Variants in CPAMD8 observed in about 807,000 individuals in gnomAD.
CPAMD8 encodes the protein C3 and PZP like alpha-2-macroglobulin domain containing 8, also known as C3 and PZP-like alpha-2-macroglobulin domain-containing protein 8.
Under a neutral mutation model 224.7 loss-of-function variants are expected in CPAMD8, and 146 were observed. That is an observed-to-expected ratio of 0.65 (90% CI 0.57 to 0.75). CPAMD8 has a LOEUF of 0.75. Ranked by LOEUF, CPAMD8 falls within the 30% of genes least tolerant of loss-of-function variation. The pLI is 0.00. For synonymous variants in CPAMD8, 966 were observed against 1,044.6 expected (o/e 0.92, Z 1.45); for missense variants, 2,301 against 2,537.5 (o/e 0.91, Z 2.00).
At position 17,022,085 on chromosome 19, in the gene CPAMD8, C is replaced by A; in HGVS notation, c.189G>T (p.Gln63His). The A allele has an allele frequency of 6.2e-7, 1 of 1,605,806 alleles. No homozygotes were observed. Among genetic ancestry groups the A allele is most frequent in the South Asian group, 1.1e-5 (1 of 89,484 alleles). The stretch of plus-strand genomic sequence containing the variant: ...GCTCACCCTGGGCCACCAGCTGAGC[C>A]TGGACCGTGACTTCCCTTGGAGAGT... ...IFNSPREVTV[Q>H]AQLVAQGEPV... Residue 63 changes from glutamine (Q) to histidine (H), a missense_variant, in exon 2 of 42, where the codon CAG becomes CAT. By Grantham distance (24) the Gln-to-His change is conservative. Around this residue, in one of 4 missense-constraint regions of CPAMD8, gnomAD observed 283 missense variants for 340.6 expected, o/e 0.83. Transcript: ENST00000443236.
At chr19:17,010,180 T>C (rs1017059125) in intron 5 of CPAMD8, among the ~76,000 whole-genome samples, 3 of 152,088 alleles carry the variant, frequency 2.0e-5, no homozygotes, top group African/African-American at 7.2e-5. Flanking sequence ...GGATTTTATA[T>C]TAGATATTAT....
Position 16,980,610 on chromosome 19 carries a change from C to A in CPAMD8, c.1472G>T (p.Arg491Leu). 6.2e-7 allele frequency: 1 copy of A among 1,609,716 alleles called. No homozygotes were observed. Among genetic ancestry groups the A allele is most frequent in the South Asian group, 1.1e-5 (1 of 90,546 alleles). ...CTGGCCCGATAGCACAATATTGCCC[C>A]GTGCAGCCACCTCGTAGTACAGGGT... Reference protein sequence around the residue: ...NFTLYYEVAARGNIVLSGQQP... With the variant: ...NFTLYYEVAALGNIVLSGQQP... Residue 491 changes from arginine (R) to leucine (L), a missense_variant, in exon 14 of 42, where the codon CGG becomes CTG. Arg to Leu is a moderately radical substitution (Grantham distance 102). Transcript: ENST00000443236.
rs767792386 is a variant in CPAMD8 at position 16,925,357 on chromosome 19, G to A, written c.3386C>T (p.Pro1129Leu). 1 of 1,614,122 alleles carries A rather than the reference G, an allele frequency of 6.2e-7. No homozygotes were observed. Among genetic ancestry groups the A allele is most frequent in the Non-Finnish European group, 8.5e-7 (1 of 1,179,980 alleles). ...GAGGTTGTTGAGGTGGTTCAGGGTT[G>A]GCCCCATGACGTCCCCTGGTGGGAA... ...TASIIGDVMG[P>L]TLNHLNNLLR... Residue 1129 changes from proline to leucine, a missense_variant, in exon 26 of 42, where the codon CCA becomes CTA. Pro to Leu is a moderately conservative substitution (Grantham distance 98). Coordinates refer to ENST00000443236, the MANE Select transcript of CPAMD8 (RefSeq NM_015692.5).
chr19:16,928,373 A>G lies in CPAMD8; in HGVS notation c.3145-139T>C, dbSNP rs892810570. On this transcript the variant is annotated intron_variant, in intron 24 of 41. Coordinates refer to ENST00000443236, the MANE Select transcript of CPAMD8 (RefSeq NM_015692.5). ...TGCAAGGAAGGGTCTTCGGGGAGTC[A>G]GAGGTGAGAGAAATCAGGTTACCCC... 24 of 639,746 alleles carry G rather than the reference A, an allele frequency of 3.8e-5. No individual in the cohort carries two copies. In the African/African-American group the frequency reaches 3.8e-4, roughly 10 times the overall value. The allele number at this position is 639,746 out of a possible 1,614,324, so 39.6% of individuals were successfully genotyped here.
chr19:17,001,196 C>A (rs553706964), intron 9 of CPAMD8, among the ~76,000 whole-genome samples: 2 of 151,902 alleles, frequency 1.3e-5, no homozygotes, highest in Non-Finnish European at 2.9e-5. Context: ...GTGGCACATG[C>A]TTGTGATCCC....
In CPAMD8 at chr19:16,898,840, C is replaced by T. The variant is rs796629041; in HGVS notation, c.4848+635G>A. 1.9e-4 allele frequency among the ~76,000 whole-genome samples: 29 copies of T among 152,308 alleles called. 1 individual carries two copies. The highest frequency in any genetic ancestry group is 6.7e-4 in the African/African-American group (28 of 41,572). ...GGCCCCTCCCTGCTTTTTCTACCAA[C>T]TGCCATCAGCCGAGGGCACAGAGCT... On this transcript the variant is annotated intron_variant, in intron 37 of 41. Coordinates refer to ENST00000443236, the MANE Select transcript of CPAMD8 (RefSeq NM_015692.5). This position sits in a 1 kb window ranked among gnomAD's most constrained non-coding sequence, Gnocchi z 4.2.
intron 27 of CPAMD8, among the ~76,000 whole-genome samples, chr19:16,916,558 G>A (rs1010777236): frequency 7.9e-5 from 12 of 151,884 alleles, no homozygotes; most frequent in South Asian, 4.1e-4. Context: ...CTGACATGGC[G>A]AAACCCCATC....
At chr19:16,936,862 A>G (rs1404716303) in intron 23 of CPAMD8, among the ~76,000 whole-genome samples, 2 of 152,230 alleles carry the variant, frequency 1.3e-5, no homozygotes, top group African/African-American at 4.8e-5. Context: ...ATTGTGGAGA[A>G]AAAAACTTTT....
Position 16,977,448 on chromosome 19 carries a change from G to A in CPAMD8, c.1678C>T (p.Leu560=). 1.2e-6 allele frequency: 2 copies of A among 1,611,950 alleles called. No homozygotes were observed. Among genetic ancestry groups the A allele is most frequent in the Non-Finnish European group, 1.7e-6 (2 of 1,178,496 alleles). The change falls in exon 15 of 42, where the codon CTG becomes TTG. Residue 560 remains leucine, a synonymous_variant. Transcript: ENST00000443236. Reference sequence around the variant, plus strand: ...CCATTCTCCCTGACGTAGAAGACCAGCAGGCGACCAAGGGGGACCATGCTG... The same window carrying A: ...CCATTCTCCCTGACGTAGAAGACCAACAGGCGACCAAGGGGGACCATGCTG... ...TPSMVPLGRL[L]VFYVRENGEG...
intron 18 of CPAMD8, 50 bp from the exon 19 acceptor site, chr19:16,957,965 C>G (rs1599782042): frequency 6.6e-7 from 1 of 1,522,298 alleles, no homozygotes; most frequent in Non-Finnish European, 9.1e-7. Context: ...CATAACAAAT[C>G]TTATGTGAAC....
chr19:16,971,253 T>G (rs1417815394), intron 17 of CPAMD8: 1 of 441,928 alleles, frequency 2.3e-6, no homozygotes, highest in Non-Finnish European at 4.0e-6. Context: ...CAGGCTGGAG[T>G]GCAGTGGCGC....
At chr19:16,956,879 G>A (rs1306570603) in intron 19 of CPAMD8, among the ~76,000 whole-genome samples, 2 of 151,776 alleles carry the variant, frequency 1.3e-5, no homozygotes, top group Non-Finnish European at 2.9e-5. Flanking sequence ...TGTTAGAGAG[G>A]GTGGTCTCGA....
chr19:16,944,377 G>C (rs912652078), intron 22 of CPAMD8, among the ~76,000 whole-genome samples: 1 of 152,230 alleles, frequency 6.6e-6, no homozygotes, highest in African/African-American at 2.4e-5. Context: ...TGCAGGTGCA[G>C]AGACAGTTCT....
chr19:17,005,361 G>T lies in CPAMD8; in HGVS notation c.560-975C>A, dbSNP rs184679951. The stretch of plus-strand genomic sequence containing the variant: ...CCCCAGACATTGCCATGTCCCCTGG[G>T]GGCAGAATCGCCTGTCCGACCCCCC... On this transcript the variant is annotated intron_variant, in intron 7 of 41. Transcript: ENST00000443236. 9.4e-3 allele frequency among the ~76,000 whole-genome samples: 1,428 copies of T among 152,080 alleles called. 9 individuals are homozygous for T. The highest frequency in any genetic ancestry group is 0.034 in the Middle Eastern group (10 of 294).
At chr19:16,963,496 T>C (rs1426363290) in intron 18 of CPAMD8, among the ~76,000 whole-genome samples, 2 of 152,174 alleles carry the variant, frequency 1.3e-5, no homozygotes, top group Non-Finnish European at 2.9e-5. Flanking sequence ...GAGCTAACTA[T>C]CCTAAATGTA....
At chr19:16,949,259 T>A (rs2054224695) in intron 20 of CPAMD8, among the ~76,000 whole-genome samples, 1 of 152,034 alleles carries the variant, frequency 6.6e-6, no homozygotes, top group Non-Finnish European at 1.5e-5. Flanking sequence ...GACTTCCTTC[T>A]TCCTGCTGGA....
At chr19:16,961,095 T>C (rs927435826) in intron 18 of CPAMD8, among the ~76,000 whole-genome samples, 11 of 152,190 alleles carry the variant, frequency 7.2e-5, no homozygotes, top group Non-Finnish European at 1.0e-4. Context: ...CCCAGTGTGA[T>C]TGACACGGAA....
intron 29 of CPAMD8, 123 bp from the exon 30 acceptor site, chr19:16,907,240 C>T: frequency 1.7e-5 from 21 of 1,220,074 alleles, no homozygotes; most frequent in Non-Finnish European, 2.0e-5. Context: ...TGCTTTGCAT[C>T]CTTCTGTGGC....
At chr19:16,992,228 G>T (rs972844581) in intron 12 of CPAMD8, among the ~76,000 whole-genome samples, 2 of 152,060 alleles carry the variant, frequency 1.3e-5, no homozygotes, top group Non-Finnish European at 1.5e-5. Context: ...CTCACCTCCT[G>T]TCTGCCTGCC....
Sources: allele counts gnomAD v4.1 joint callset (sites outside exome capture counted in the v4.1 genomes callset), GRCh38; gene constraint gnomAD v4.1.1; regional missense constraint gnomAD v4.1.1; non-coding constraint Gnocchi (gnomAD v3.1); transcripts MANE v1.5; gene names NCBI Gene and HGNC (gene_info 2026-07-23, HGNC 2026-07-21).